The following ERBB4 variants were observed in gnomAD, a reference collection of about 807,000 sequenced individuals.
ERBB4 encodes receptor tyrosine-protein kinase erbB-4.
ERBB4 carries 42 observed loss-of-function variants against 158.0 expected under a neutral mutation model. The ratio of observed to expected loss-of-function variants is 0.27; its 90% CI spans 0.21 to 0.34. ERBB4 has a LOEUF of 0.34. ERBB4 is among the 10% of genes least tolerant of loss of function. The probability of loss-of-function intolerance (pLI) is 1.00; values close to 1 mark genes in which losing one functional copy is unlikely to be tolerated. For synonymous variants in ERBB4, 583 were observed against 558.7 expected, an observed-to-expected ratio of 1.04 and a Z score of -0.61; for missense variants, 1,333 against 1,624.1, an observed-to-expected ratio of 0.82 and a Z score of 3.08.
chr2:211,673,168 C>G lies in ERBB4; in HGVS notation c.1712G>C (p.Gly571Ala), dbSNP rs878861872. ...CACAGATGTCTTCAGGCTTACCGGT[C>G]CATGGCATGTGAGGAGGCCATCTTC... ...KMEDGLLTCH[G>A]PGPDNCTKCS... The change falls in exon 14 of 28, where the codon GGA (glycine) becomes GCA (alanine). Residue 571 changes from glycine to alanine, a missense_variant. By Grantham distance (60) the Gly-to-Ala change is moderately conservative. This residue lies in a region of ERBB4 where 245 missense variants were observed against 247.5 expected (regional missense o/e 0.99). Coordinates refer to ENST00000342788, the MANE Select transcript of ERBB4 (RefSeq NM_005235.3). 6.2e-6 allele frequency: 10 copies of G among 1,609,018 alleles called. No individual in the cohort carries two copies. The highest frequency in any genetic ancestry group is 8.5e-6 in the Non-Finnish European group (10 of 1,175,476).
chr2:211,798,492 G>A (rs1315694772), intron 3 of ERBB4, among the ~76,000 whole-genome samples: 2 of 151,924 alleles, frequency 1.3e-5, no homozygotes. Flanking sequence ...CTACAAAATT[G>A]GAATAATAAT....
intron 16 of ERBB4, among the ~76,000 whole-genome samples, chr2:211,644,225 C>A (rs1291824193): frequency 6.6e-6 from 1 of 151,988 alleles, no homozygotes; most frequent in African/African-American, 2.4e-5. Context: ...TTTTTATATT[C>A]TAAGAGGAGG....
chr2:212,475,983 A>T (rs1443712091), intron 1 of ERBB4, among the ~76,000 whole-genome samples: 1 of 152,040 alleles, frequency 6.6e-6, no homozygotes, highest in Non-Finnish European at 1.5e-5. Flanking sequence ...GATCTTTTGA[A>T]ATACAAATCA....
chr2:211,389,552 T>C (rs1269898069), intron 25 of ERBB4, among the ~76,000 whole-genome samples: 1 of 152,186 alleles, frequency 6.6e-6, no homozygotes. Flanking sequence ...ACAACTATGG[T>C]GGTATTAGAA....
At position 211,736,775 on chromosome 2, in the gene ERBB4, G is replaced by A. The variant is rs140402369; in HGVS notation, c.623-11581C>T. On this transcript the variant is annotated intron_variant, in intron 5 of 27. Coordinates refer to ENST00000342788, the MANE Select transcript of ERBB4 (RefSeq NM_005235.3). ...CCATAATTACTGGAAATTTGGGATC[G>A]TTCAGTCTGAATTTCTCCTACATGG... Among the ~76,000 whole-genome samples the A allele has an allele frequency of 1.9e-3, 296 of 152,146 alleles. 3 individuals are homozygous for A. Among genetic ancestry groups the A allele is most frequent in the African/African-American group, 6.6e-3 (274 of 41,502 alleles).
chr2:212,399,575 TATATATATATTG>T (rs1560214573), intron 1 of ERBB4, among the ~76,000 whole-genome samples: 8 of 81,462 alleles, frequency 9.8e-5, no homozygotes, highest in African/African-American at 4.0e-4. Flanking sequence ...TATATATATA[TATATATATATTG>T]GGCGTGGTGT....
chr2:212,412,150 A>G (rs2091518121), intron 1 of ERBB4, among the ~76,000 whole-genome samples: 1 of 152,212 alleles, frequency 6.6e-6, no homozygotes, highest in South Asian at 2.1e-4. Context: ...AATAGAAATC[A>G]AAGCTTACAA....
At chr2:212,423,325 C>G (rs994551545) in intron 1 of ERBB4, among the ~76,000 whole-genome samples, 2 of 152,090 alleles carry the variant, frequency 1.3e-5, no homozygotes, top group African/African-American at 4.8e-5. Context: ...AAAGTGACAG[C>G]AGAAGATGCC....
intron 1 of ERBB4, among the ~76,000 whole-genome samples, chr2:212,335,243 A>C (rs983720177): frequency 2.2e-4 from 34 of 152,034 alleles, no homozygotes; most frequent in Admixed American, 2.0e-3. Flanking sequence ...GTCTCAAAAT[A>C]AGGCACAGAG....
chr2:212,473,347 G>T (rs1689210602), intron 1 of ERBB4, among the ~76,000 whole-genome samples: 1 of 151,906 alleles, frequency 6.6e-6, no homozygotes, highest in Admixed American at 6.6e-5. Context: ...ATAAAAAGAG[G>T]TTTCCACACT....
intron 1 of ERBB4, among the ~76,000 whole-genome samples, chr2:212,231,336 AT>A (rs1295590341): frequency 6.6e-6 from 1 of 152,192 alleles, no homozygotes; most frequent in Non-Finnish European, 1.5e-5. Flanking sequence ...CATTTTTGAC[AT>A]GTTTTAAGTC....
At chr2:211,763,131 C>G (rs2075456283) in intron 4 of ERBB4, among the ~76,000 whole-genome samples, 1 of 152,062 alleles carries the variant, frequency 6.6e-6, no homozygotes, top group African/African-American at 2.4e-5. Flanking sequence ...CACAAAATAT[C>G]TGAGAAGGTA....
intron 1 of ERBB4, among the ~76,000 whole-genome samples, chr2:212,435,761 T>C (rs1358832188): frequency 4.6e-5 from 7 of 151,962 alleles, no homozygotes; most frequent in Non-Finnish European, 8.8e-5. Flanking sequence ...GAAAACATAG[T>C]CTTAAAATTA....
intron 19 of ERBB4, among the ~76,000 whole-genome samples, chr2:211,604,991 T>C (rs2068931915): frequency 6.6e-6 from 1 of 152,182 alleles, no homozygotes; most frequent in Non-Finnish European, 1.5e-5. Context: ...TTTCTTATTA[T>C]AAAAAGTTGG....
intron 1 of ERBB4, among the ~76,000 whole-genome samples, chr2:212,425,421 CAT>C (rs2091891982): frequency 8.3e-6 from 1 of 119,924 alleles, no homozygotes; most frequent in Non-Finnish European, 1.6e-5. Flanking sequence ...TATATACACA[CAT>C]ATGTATCCTT....
chr2:211,413,340 A>C, intron 25 of ERBB4, among the ~76,000 whole-genome samples: 1 of 123,732 alleles, frequency 8.1e-6, no homozygotes, highest in South Asian at 2.4e-4. Flanking sequence ...ACACACACAC[A>C]CACACACATT....
chr2:211,975,351 A>G (rs1356350095), intron 2 of ERBB4, among the ~76,000 whole-genome samples: 3 of 152,208 alleles, frequency 2.0e-5, no homozygotes, highest in Non-Finnish European at 4.4e-5. Flanking sequence ...GTGTTGTCCA[A>G]TCAATCCTGA....
In ERBB4 at chr2:212,224,907, T is replaced by C. The variant is rs138321030; in HGVS notation, c.83-100004A>G. Reference sequence around the variant, plus strand: ...TTGAGTCATACATTTTATGAAAATATAAAATAAAATTTTAAGAATGTGTAT... The same window carrying C: ...TTGAGTCATACATTTTATGAAAATACAAAATAAAATTTTAAGAATGTGTAT... On this transcript the variant is annotated intron_variant, in intron 1 of 27. Coordinates refer to ENST00000342788, the MANE Select transcript of ERBB4 (RefSeq NM_005235.3). Among the ~76,000 whole-genome samples the C allele has an allele frequency of 3.6e-3, 546 of 152,164 alleles. 3 individuals carry two copies. The highest frequency in any genetic ancestry group is 0.012 in the African/African-American group (490 of 41,548).
intron 1 of ERBB4, among the ~76,000 whole-genome samples, chr2:212,430,069 C>T (rs1004510491): frequency 1.3e-5 from 2 of 152,080 alleles, no homozygotes; most frequent in African/African-American, 4.8e-5. Flanking sequence ...TTAAATAATC[C>T]ACTTTCCTAA....
Sources: gnomAD v4.1 joint callset for allele counts (sites outside exome capture counted in the v4.1 genomes callset) on GRCh38, gnomAD v4.1.1 for gene constraint, gnomAD v4.1.1 regional missense constraint, MANE v1.5 for transcripts, NCBI Gene and HGNC (gene_info 2026-07-23, HGNC 2026-07-21) for gene names.